SYNJ1: variants seen among roughly 807,000 people sequenced by gnomAD.
The protein encoded by SYNJ1 is polyphosphatidylinositol phosphatase SYNJ1.
In SYNJ1, 78 loss-of-function variants were observed where a neutral mutation model predicts 168.2. The observed-to-expected ratio is 0.46, with a 90% CI of 0.39 to 0.56. The LOEUF is 0.56. Ranked by LOEUF, SYNJ1 falls within the 20% of genes least tolerant of loss-of-function variation. SYNJ1 has a pLI of 0.00. For synonymous variants in SYNJ1, 539 were observed against 548.6 expected (o/e 0.98, Z 0.24); for missense variants, 1,303 against 1,597.6 (o/e 0.82, Z 3.14).
At chr21:32,727,318 G>T (rs1279253644) in intron 1 of SYNJ1, among the ~76,000 whole-genome samples, 1 of 152,198 alleles carries the variant, frequency 6.6e-6, no homozygotes, top group Non-Finnish European at 1.5e-5. Context: ...CAGTTCCTTC[G>T]AGGTGAAAGG....
At chr21:32,714,998 C>A (rs2042970316) in intron 2 of SYNJ1, among the ~76,000 whole-genome samples, 1 of 152,086 alleles carries the variant, frequency 6.6e-6, no homozygotes, top group Non-Finnish European at 1.5e-5. Flanking sequence ...CGTCACTTTG[C>A]CACAACTAAA....
intron 2 of SYNJ1, among the ~76,000 whole-genome samples, chr21:32,717,003 A>G (rs1055670241): frequency 1.3e-5 from 2 of 151,502 alleles, no homozygotes; most frequent in African/African-American, 4.9e-5. Flanking sequence ...TCTGTTGCCC[A>G]GACTGGAATG....
chr21:32,673,340 C>T lies in SYNJ1; in HGVS notation c.1726G>A (p.Asp576Asn). The change falls in exon 14 of 33, where the codon GAT (aspartate) becomes AAT (asparagine). Residue 576 changes from aspartate (D) to asparagine (N), a missense_variant and splice_region_variant. Coordinates refer to ENST00000674351, the MANE Select transcript of SYNJ1 (RefSeq NM_203446.3). ...PKLAGIQEFQ[D>N]KRSKPTDIFA... ...TAAATCCATATTATAAAAAGCCAACCTTGAAACTCCTGGATGCCAGCTAAC... is the reference window on the plus strand; with the variant it reads ...TAAATCCATATTATAAAAAGCCAACTTTGAAACTCCTGGATGCCAGCTAAC... 1 of 1,602,832 alleles carries T rather than the reference C, an allele frequency of 6.2e-7. No individual in the cohort carries two copies. Among genetic ancestry groups the T allele is most frequent in the South Asian group, 1.1e-5 (1 of 89,122 alleles).
chr21:32,705,593 T>C (rs137947723), intron 2 of SYNJ1, among the ~76,000 whole-genome samples: 6 of 152,208 alleles, frequency 3.9e-5, no homozygotes, highest in African/African-American at 7.2e-5. Context: ...AGCCTATGAA[T>C]TGAAAGTCTC....
At chr21:32,686,015 T>C in intron 8 of SYNJ1, 98 bp from the exon 9 acceptor site, 1 of 1,314,264 alleles carries the variant, frequency 7.6e-7, no homozygotes, top group Non-Finnish European at 1.0e-6. Flanking sequence ...CAATAAATCT[T>C]TTCCCTAAAG....
intron 29 of SYNJ1, 99 bp from the exon 30 acceptor site, chr21:32,639,878 T>C (rs925545754): frequency 5.3e-6 from 5 of 946,146 alleles, no homozygotes; most frequent in South Asian, 3.0e-5. Context: ...CTTTCTTCTA[T>C]GGTATTAGTC....
At chr21:32,670,898 T>C (rs1038030097) in intron 14 of SYNJ1, 2 of 788,622 alleles carry the variant, frequency 2.5e-6, no homozygotes, top group Middle Eastern at 6.4e-4. Context: ...TCACTCTGTC[T>C]AGCTGCTGGC....
chr21:32,699,921 C>A lies in SYNJ1; in HGVS notation c.396G>T (p.Trp132Cys). 6.2e-7 allele frequency: 1 copy of A among 1,614,162 alleles called. No individual in the cohort carries two copies. The highest frequency in any genetic ancestry group is 1.1e-5 in the South Asian group (1 of 91,086). Residue 132 changes from tryptophan (W) to cysteine (C), a missense_variant, in exon 4 of 33, where the codon TGG (tryptophan) becomes TGT (cysteine). By Grantham distance (215) the Trp-to-Cys change is radical. This residue lies in a region of SYNJ1 where 920 missense variants were observed against 1,208.8 expected (regional missense o/e 0.76). Transcript: ENST00000674351. ...AATCTAAACTGATGCCAGATGCAGA[C>A]CATGCAAAATAAAAGTTTCCTGAAT... is the stretch of plus-strand genomic sequence containing the variant. ...VLNSGNFYFAWSASGISLDLS... is the reference protein window; with the variant it reads ...VLNSGNFYFACSASGISLDLS...
At chr21:32,696,355 A>T (rs1375269191) in intron 4 of SYNJ1, among the ~76,000 whole-genome samples, 1 of 152,212 alleles carries the variant, frequency 6.6e-6, no homozygotes, top group Admixed American at 6.5e-5. Context: ...TTATTCAAAC[A>T]AACATGCAGA....
At chr21:32,654,160 AACATGTAC>A (rs1569047312) in intron 21 of SYNJ1, 2 of 152,118 alleles carry the variant, frequency 1.3e-5, no homozygotes, top group Non-Finnish European at 2.9e-5. Context: ...ATGAGAGGAA[AACATGTAC>A]ACACAAACAC....
At chr21:32,642,261 C>T in intron 27 of SYNJ1, 128 bp from the exon 28 acceptor site, 1 of 986,328 alleles carries the variant, frequency 1.0e-6, no homozygotes, top group Non-Finnish European at 1.6e-6. Flanking sequence ...CAAAACAAAG[C>T]ACTTTGCTTT....
At position 32,644,081 on chromosome 21, in the gene SYNJ1, A is replaced by G. The variant is rs1380594378; in HGVS notation, c.3431-624T>C. Among the ~76,000 whole-genome samples the G allele has an allele frequency of 4.6e-5, 7 of 152,234 alleles. No individual in the cohort carries two copies. The East Asian group carries it at 1.3e-3, about 29-fold the overall frequency. On this transcript the variant is annotated intron_variant, in intron 26 of 32. Transcript: ENST00000674351. ...TTATTTTCTACAGGATGTTTTCCTAATTAAAGCAGAAGATAAGCAAAAATT... is the reference window on the plus strand; with the variant it reads ...TTATTTTCTACAGGATGTTTTCCTAGTTAAAGCAGAAGATAAGCAAAAATT...
intron 6 of SYNJ1, among the ~76,000 whole-genome samples, chr21:32,692,032 T>C (rs2042044018): frequency 6.6e-6 from 1 of 152,142 alleles, no homozygotes; most frequent in South Asian, 2.1e-4. Flanking sequence ...TCGGAGCTAG[T>C]AGGAAGCAGG....
At chr21:32,681,682 A>G in intron 10 of SYNJ1, 34 bp from the exon 11 acceptor site, 1 of 1,560,804 alleles carries the variant, frequency 6.4e-7, no homozygotes, top group Non-Finnish European at 8.7e-7. Context: ...TTATAAGTAC[A>G]TTAATATATT....
chr21:32,699,596 C>G (rs778898310), intron 4 of SYNJ1, among the ~76,000 whole-genome samples: 1 of 152,152 alleles, frequency 6.6e-6, no homozygotes, highest in Non-Finnish European at 1.5e-5. Flanking sequence ...ACCACCCCCT[C>G]GTGCCTGCTC....
intron 2 of SYNJ1, among the ~76,000 whole-genome samples, chr21:32,705,065 C>T (rs1186083034): frequency 6.6e-6 from 1 of 151,360 alleles, no homozygotes; most frequent in Non-Finnish European, 1.5e-5. Flanking sequence ...AGGAGAATCA[C>T]TTGAACCTGG....
chr21:32,672,059 CAAAAAAAAAAA>C (rs1160074724), intron 14 of SYNJ1, among the ~76,000 whole-genome samples: 34 of 24,678 alleles, frequency 1.4e-3, no homozygotes, highest in South Asian at 6.3e-3. Context: ...AACTCAATCT[CAAAAAAAAAAA>C]AAAAAAAAAA....
intron 14 of SYNJ1, among the ~76,000 whole-genome samples, chr21:32,671,566 T>G (rs1940571910): frequency 6.6e-6 from 1 of 152,224 alleles, no homozygotes; most frequent in African/African-American, 2.4e-5. Flanking sequence ...TTGCCACTAC[T>G]GCACAAACAT....
At chr21:32,727,122 T>G (rs1022195993) in intron 1 of SYNJ1, among the ~76,000 whole-genome samples, 4 of 152,214 alleles carry the variant, frequency 2.6e-5, no homozygotes, top group African/African-American at 9.6e-5. Flanking sequence ...AAGCTATCAA[T>G]TCTCATACCA....
Sources: gnomAD v4.1 joint callset for allele counts (sites outside exome capture counted in the v4.1 genomes callset) on GRCh38, gnomAD v4.1.1 for gene constraint, gnomAD v4.1.1 regional missense constraint, MANE v1.5 for transcripts, NCBI Gene and HGNC (gene_info 2026-07-23, HGNC 2026-07-21) for gene names.